The following SYT16 variants were observed in gnomAD, a reference collection of about 807,000 sequenced individuals.
SYT16 encodes the protein synaptotagmin-16.
SYT16 carries 42 observed loss-of-function variants against 61.4 expected under a neutral mutation model. That is an observed-to-expected ratio of 0.68 (90% confidence interval 0.53 to 0.89). The LOEUF (loss-of-function observed/expected upper bound fraction) is 0.89, where lower values mean the gene tolerates loss of function less well. Ranked by LOEUF, SYT16 falls within the 40% of genes least tolerant of loss-of-function variation. SYT16 has a pLI of 0.00. For synonymous variants in SYT16, 314 were observed against 302.3 expected, an observed-to-expected ratio of 1.04 and a Z score of -0.40; for missense variants, 804 against 807.3, an observed-to-expected ratio of 1.00 and a Z score of 0.05.
At chr14:61,909,343 T>G (rs73258473) in intron 1 of SYT16, among the ~76,000 whole-genome samples, 3,588 of 152,318 alleles carry the variant, frequency 0.024, 136 homozygotes, top group African/African-American at 0.08. Flanking sequence ...CAGAAATGTG[T>G]TCTTTCACAG....
intron 1 of SYT16, among the ~76,000 whole-genome samples, chr14:61,827,815 T>C (rs2045817544): frequency 6.6e-6 from 1 of 152,226 alleles, no homozygotes; most frequent in African/African-American, 2.4e-5. Context: ...GAATATATAA[T>C]TCTTACCACC....
Position 61,833,732 on chromosome 14 carries a change from T to G in SYT16, c.-325+20922T>G, listed in dbSNP as rs2046023169. On this transcript the variant is annotated intron_variant, in intron 1 of 7. Coordinates refer to ENST00000683842, the MANE Select transcript of SYT16 (RefSeq NM_001367656.1). Reference sequence around the variant, plus strand: ...TTTTTTTTTTTTTTTTTTTTTAAATTTAAATTTTAAACTCAAGGACCAGGG... The same window carrying G: ...TTTTTTTTTTTTTTTTTTTTTAAATGTAAATTTTAAACTCAAGGACCAGGG... Among the ~76,000 whole-genome samples the G allele has an allele frequency of 3.4e-5, 5 of 148,296 alleles. No homozygotes were observed. The South Asian group carries it at 1.1e-3, about 31-fold the overall frequency.
chr14:61,939,568 AC>A (rs753677602), intron 1 of SYT16, among the ~76,000 whole-genome samples: 5 of 152,138 alleles, frequency 3.3e-5, no homozygotes, highest in Non-Finnish European at 7.4e-5. Flanking sequence ...TCTTTCCTTC[AC>A]GTGTGTACAT....
intron 1 of SYT16, among the ~76,000 whole-genome samples, chr14:61,921,094 G>T (rs1289847184): frequency 6.6e-6 from 1 of 152,212 alleles, no homozygotes; most frequent in Non-Finnish European, 1.5e-5. Flanking sequence ...ATTAAACTTA[G>T]ATTTGTCTCT....
At chr14:62,059,794 A>ACACACACACG (rs2055744990) in intron 3 of SYT16, among the ~76,000 whole-genome samples, 1 of 151,200 alleles carries the variant, frequency 6.6e-6, no homozygotes, top group Non-Finnish European at 1.5e-5. Flanking sequence ...ACACACACAC[A>ACACACACACG]CACACACTCA....
intron 1 of SYT16, among the ~76,000 whole-genome samples, chr14:61,889,871 G>A (rs777925482): frequency 6.6e-6 from 1 of 151,760 alleles, no homozygotes; most frequent in Non-Finnish European, 1.5e-5. Context: ...CACTCATTTA[G>A]CAGTATTTTT....
chr14:61,878,829 AGATTTT>A (rs1197469217), intron 1 of SYT16, among the ~76,000 whole-genome samples: 1 of 151,998 alleles, frequency 6.6e-6, no homozygotes, highest in African/African-American at 2.4e-5. Context: ...AATGTTAGAA[AGATTTT>A]TGCCAACCTG....
chr14:62,009,245 C>A (rs969924248), intron 3 of SYT16, among the ~76,000 whole-genome samples: 1 of 152,080 alleles, frequency 6.6e-6, no homozygotes, highest in Non-Finnish European at 1.5e-5. Context: ...AGGAGGTTTA[C>A]AGGCTCCTTT....
intron 1 of SYT16, among the ~76,000 whole-genome samples, chr14:61,821,518 G>A (rs2045618435): frequency 6.6e-6 from 1 of 152,164 alleles, no homozygotes; most frequent in African/African-American, 2.4e-5. Context: ...GAGCTCATGG[G>A]CATTGACAGG....
At chr14:61,951,570 G>A (rs1416779894) in intron 1 of SYT16, among the ~76,000 whole-genome samples, 1 of 152,034 alleles carries the variant, frequency 6.6e-6, no homozygotes, top group African/African-American at 2.4e-5. Flanking sequence ...AAGAAAGTCG[G>A]ATGTCTTTCT....
chr14:61,938,705 A>G (rs972310973), intron 1 of SYT16, among the ~76,000 whole-genome samples: 2 of 152,110 alleles, frequency 1.3e-5, no homozygotes, highest in Non-Finnish European at 2.9e-5. Context: ...AACACCAGCT[A>G]AGGGGGACTG....
intron 1 of SYT16, among the ~76,000 whole-genome samples, chr14:61,904,775 T>A (rs1397281377): frequency 1.3e-5 from 2 of 152,240 alleles, no homozygotes; most frequent in Non-Finnish European, 2.9e-5. Context: ...GGCCCACTTT[T>A]GTCACATGTA....
chr14:61,961,467 C>T (rs747524918), intron 1 of SYT16, among the ~76,000 whole-genome samples: 15 of 152,072 alleles, frequency 9.9e-5, no homozygotes, highest in African/African-American at 3.6e-4. Flanking sequence ...AGTACATGAA[C>T]AGACACTTTT....
intron 1 of SYT16, among the ~76,000 whole-genome samples, chr14:61,823,378 A>T (rs1391982100): frequency 6.6e-6 from 1 of 151,942 alleles, no homozygotes. Context: ...TAATATGCTT[A>T]TGTTGTATAC....
At chr14:61,987,741 TTC>T (rs975740711) in intron 2 of SYT16, among the ~76,000 whole-genome samples, 6 of 48,020 alleles carry the variant, frequency 1.2e-4, no homozygotes, top group African/African-American at 3.4e-4. Context: ...AATGATTTTT[TTC>T]CTTTTTTTTT....
chr14:61,912,667 G>A (rs2048978246), intron 1 of SYT16, among the ~76,000 whole-genome samples: 1 of 152,210 alleles, frequency 6.6e-6, no homozygotes, highest in Non-Finnish European at 1.5e-5. Context: ...GACTCAGGAA[G>A]TAGCAAAGAA....
intron 1 of SYT16, among the ~76,000 whole-genome samples, chr14:61,868,084 T>G (rs1234663704): frequency 1.3e-5 from 2 of 152,006 alleles, no homozygotes; most frequent in Non-Finnish European, 2.9e-5. Flanking sequence ...TGTGTCTATA[T>G]TCTTGTTCAT....
chr14:61,963,820 C>T (rs1158689360), intron 1 of SYT16, among the ~76,000 whole-genome samples: 1 of 152,170 alleles, frequency 6.6e-6, no homozygotes, highest in Non-Finnish European at 1.5e-5. Flanking sequence ...GCTGATGTAG[C>T]TGGTGACTTT....
At chr14:61,864,901 C>T in intron 1 of SYT16, 4 of 1,242,908 alleles carry the variant, frequency 3.2e-6, no homozygotes, top group Non-Finnish European at 4.7e-6. Flanking sequence ...GCGCGGATGG[C>T]GGGATGCTCC....
Sources: allele counts gnomAD v4.1 joint callset (sites outside exome capture counted in the v4.1 genomes callset), GRCh38; gene constraint gnomAD v4.1.1; transcripts MANE v1.5; gene names NCBI Gene and HGNC (gene_info 2026-07-23, HGNC 2026-07-21).